Variants in THSD7A observed in about 807,000 individuals in gnomAD.
THSD7A encodes the protein thrombospondin type-1 domain-containing protein 7A.
THSD7A carries 96 observed loss-of-function variants against 231.3 expected under a neutral mutation model. That is an observed-to-expected ratio of 0.41 (90% confidence interval 0.35 to 0.49). The LOEUF (loss-of-function observed/expected upper bound fraction) is 0.49. Among genes scored for constraint, THSD7A ranks in the 20% least tolerant of loss-of-function variants. The pLI is 0.05. For synonymous variants in THSD7A, 940 were observed against 743.3 expected (o/e 1.26, Z -4.30); for missense variants, 2,290 against 2,070.2 (o/e 1.11, Z -2.06).
chr7:11,690,652 G>A (rs965582303), intron 1 of THSD7A, among the ~76,000 whole-genome samples: 5 of 151,672 alleles, frequency 3.3e-5, no homozygotes, highest in African/African-American at 7.3e-5. Flanking sequence ...GCCCTTTGGC[G>A]GGGAGATTAG....
At chr7:11,438,016 GT>G (rs35979869) in intron 13 of THSD7A, among the ~76,000 whole-genome samples, 31,658 of 148,808 alleles carry the variant, frequency 0.21, 3,790 homozygotes, top group African/African-American at 0.34. Flanking sequence ...CCTTTTCCAG[GT>G]TTTTTTTTTG....
At chr7:11,399,509 A>G (rs1425040150) in intron 23 of THSD7A, among the ~76,000 whole-genome samples, 1 of 152,028 alleles carries the variant, frequency 6.6e-6, no homozygotes, top group East Asian at 1.9e-4. Context: ...GTTGCATTCC[A>G]TTTCCTTTTT....
intron 1 of THSD7A, among the ~76,000 whole-genome samples, chr7:11,714,029 T>A (rs1270981221): frequency 6.6e-6 from 1 of 151,260 alleles, no homozygotes; most frequent in Non-Finnish European, 1.5e-5. Context: ...GTTGAAAATT[T>A]AAGTTAAATA....
chr7:11,792,261 G>C (rs759975156), intron 1 of THSD7A, among the ~76,000 whole-genome samples: 1 of 151,924 alleles, frequency 6.6e-6, no homozygotes, highest in Non-Finnish European at 1.5e-5. Context: ...TAATAGAAGA[G>C]CTTTTCAATT....
In THSD7A at chr7:11,817,882, T is replaced by TACAC. The variant is rs71669301; in HGVS notation, c.190+13871_190+13874dup. On this transcript the variant is annotated intron_variant, in intron 1 of 27. Transcript: ENST00000423059. ...TGTTCTTAAACATCTTTTTACTGACTACACACACACACAGGCAAATGCACA... is the reference window on the plus strand; with the variant it reads ...TGTTCTTAAACATCTTTTTACTGACTACACACACACACACACAGGCAAATGCACA... Among the ~76,000 whole-genome samples, 164 of 151,482 alleles carry TACAC rather than the reference T, an allele frequency of 1.1e-3. 1 individual carries two copies. The highest frequency in any genetic ancestry group is 3.5e-3 in the Middle Eastern group (1 of 286).
chr7:11,643,607 A>G (rs995389273), intron 1 of THSD7A, among the ~76,000 whole-genome samples: 3 of 151,416 alleles, frequency 2.0e-5, no homozygotes, highest in Middle Eastern at 3.4e-3. Flanking sequence ...ACGCGCGCAC[A>G]CACACACACA....
rs763610440 is a variant in THSD7A, at chr7:11,474,469, T to G, written c.2117A>C (p.Gln706Pro). The change falls in exon 8 of 28, where the codon CAG (glutamine) becomes CCG (proline). Residue 706 changes from glutamine (Q) to proline (P), a missense_variant. By Grantham distance (76) the Gln-to-Pro change is moderately conservative. Coordinates refer to ENST00000423059, the MANE Select transcript of THSD7A (RefSeq NM_015204.3). This position sits in a 1 kb window ranked among gnomAD's most constrained non-coding sequence, Gnocchi z 4.1. ...VYHWQTGPWG[Q>P]CIEDTSVSSF... ...CGATACTGAGGTGTCCTCAATGCACTGGCCCCAGGGACCAGTTTGCCAGTG... is the reference window on the plus strand; with the variant it reads ...CGATACTGAGGTGTCCTCAATGCACGGGCCCCAGGGACCAGTTTGCCAGTG... 10 of 1,613,516 alleles carry G rather than the reference T, an allele frequency of 6.2e-6. No individual in the cohort carries two copies. The highest frequency in any genetic ancestry group is 8.5e-6 in the Non-Finnish European group (10 of 1,179,634).
At chr7:11,398,094 T>G (rs1783258742) in intron 23 of THSD7A, among the ~76,000 whole-genome samples, 1 of 152,194 alleles carries the variant, frequency 6.6e-6, no homozygotes, top group Admixed American at 6.5e-5. Flanking sequence ...CATTTATATT[T>G]ATTGCAGCAC....
intron 1 of THSD7A, among the ~76,000 whole-genome samples, chr7:11,784,706 C>T (rs937558711): frequency 6.6e-6 from 1 of 151,900 alleles, no homozygotes. Context: ...CAGCTTGGAG[C>T]CAATAATTTT....
In THSD7A at chr7:11,636,943, A is replaced by C. The variant is rs766879036; in HGVS notation, c.209T>G (p.Met70Arg). 3.7e-6 allele frequency: 6 copies of C among 1,608,874 alleles called. No homozygotes were observed. In the East Asian group the frequency reaches 1.1e-4, roughly 30 times the overall value. ...GCCTCCGGGACCACATTCATCTCCC[A>C]TACATCGGCCCCATGGACCTACAAA... ...LWKTGPWGRCMGDECGPGGIQ... is the reference protein window; with the variant it reads ...LWKTGPWGRCRGDECGPGGIQ... Residue 70 changes from methionine (M) to arginine (R), a missense_variant, in exon 2 of 28, where the codon ATG (methionine) becomes AGG (arginine). Met to Arg is a moderately conservative substitution (Grantham distance 91, BLOSUM62 -1). Transcript: ENST00000423059. This position sits in a 1 kb window ranked among gnomAD's most constrained non-coding sequence, Gnocchi z 10.0.
At chr7:11,610,409 T>C (rs1029362707) in intron 2 of THSD7A, among the ~76,000 whole-genome samples, 3 of 152,080 alleles carry the variant, frequency 2.0e-5, no homozygotes, top group Non-Finnish European at 4.4e-5. Context: ...AGGAAGAAAA[T>C]ACCAATGTTG....
intron 6 of THSD7A, among the ~76,000 whole-genome samples, chr7:11,493,821 G>T (rs984037522): frequency 2.0e-5 from 3 of 151,994 alleles, no homozygotes; most frequent in African/African-American, 4.8e-5. Context: ...AACAGAGAAG[G>T]TAATGAAGTT....
At chr7:11,624,838 A>G (rs117516642) in intron 2 of THSD7A, among the ~76,000 whole-genome samples, 1,729 of 152,270 alleles carry the variant, frequency 0.011, 14 homozygotes, top group Non-Finnish European at 0.016. Context: ...AGTTAGGGAT[A>G]AGGCTTTATA....
At chr7:11,529,379 G>A (rs563967279) in intron 6 of THSD7A, among the ~76,000 whole-genome samples, 107 of 152,236 alleles carry the variant, frequency 7.0e-4, no homozygotes, top group Admixed American at 1.6e-3. Flanking sequence ...AAATGAGCTA[G>A]GCTGCAAATC....
At position 11,765,533 on chromosome 7, in the gene THSD7A, A is replaced by T. The variant is rs181917066; in HGVS notation, c.190+66224T>A. ...CTAGTTCAAATAAATATGAATAGTT[A>T]AAATATATATGGTTTGTATAATAAT... On this transcript the variant is annotated intron_variant, in intron 1 of 27. Coordinates refer to ENST00000423059, the MANE Select transcript of THSD7A (RefSeq NM_015204.3). Among the ~76,000 whole-genome samples the T allele has an allele frequency of 2.0e-5, 3 of 152,340 alleles. No homozygotes were observed. In the East Asian group the frequency reaches 5.8e-4, roughly 29 times the overall value.
At position 11,412,790 on chromosome 7, in the gene THSD7A, T is replaced by C; in HGVS notation, c.3548A>G (p.Gln1183Arg). 6.2e-7 allele frequency: 1 copy of C among 1,611,884 alleles called. No individual in the cohort carries two copies. The highest frequency in any genetic ancestry group is 8.5e-7 in the Non-Finnish European group (1 of 1,178,784). ...AGCTGACCTTTGCCGGAAACTGCTTTGATTGCAAGGCTTAAAAAGAACAGT... is the reference window on the plus strand; with the variant it reads ...AGCTGACCTTTGCCGGAAACTGCTTCGATTGCAAGGCTTAAAAAGAACAGT... ...PWTQCVLPCN[Q>R]SSFRQRSADP... The change falls in exon 18 of 28, where the codon CAA becomes CGA. Residue 1183 changes from glutamine to arginine, a missense_variant. By Grantham distance (43) the Gln-to-Arg change is conservative. Coordinates refer to ENST00000423059, the MANE Select transcript of THSD7A (RefSeq NM_015204.3).
intron 6 of THSD7A, among the ~76,000 whole-genome samples, chr7:11,498,633 G>A (rs62438219): frequency 6.6e-6 from 1 of 152,048 alleles, no homozygotes; most frequent in Non-Finnish European, 1.5e-5. Context: ...AACATGCCCA[G>A]ACTGCTTTTT....
chr7:11,482,241 G>A (rs1335990423), intron 6 of THSD7A, among the ~76,000 whole-genome samples: 1 of 152,144 alleles, frequency 6.6e-6, no homozygotes, highest in Admixed American at 6.5e-5. Context: ...TTGCTGAGAC[G>A]ATTCTTATGC....
Position 11,541,431 on chromosome 7 carries a change from T to C in THSD7A, c.1810A>G (p.Ile604Val). The C allele has an allele frequency of 2.5e-6, 4 of 1,613,986 alleles. No individual in the cohort carries two copies. The highest frequency in any genetic ancestry group is 3.4e-6 in the Non-Finnish European group (4 of 1,179,872). The change falls in exon 6 of 28, where the codon ATC becomes GTC. Residue 604 changes from isoleucine to valine, a missense_variant. Ile to Val is a conservative substitution (Grantham distance 29). Transcript: ENST00000423059. ...ACGTCTGTCTTACCATCACTGTTGA[T>C]GCACACAACCTCTTGAACTTGCGTG... The part of the protein sequence containing the change: ...PGTQVQEVVC[I>V]NSDGEEVDRQ...
Sources: allele counts gnomAD v4.1 joint callset (sites outside exome capture counted in the v4.1 genomes callset), GRCh38; gene constraint gnomAD v4.1.1; non-coding constraint Gnocchi (gnomAD v3.1); transcripts MANE v1.5; gene names NCBI Gene and HGNC (gene_info 2026-07-23, HGNC 2026-07-21).